The following CLPTM1 variants were observed in gnomAD, a reference collection of about 807,000 sequenced individuals.
The protein encoded by CLPTM1 is putative lipid scramblase CLPTM1.
In CLPTM1, 21 loss-of-function variants were observed where a neutral mutation model predicts 77.3. The ratio of observed to expected loss-of-function variants is 0.27; its 90% CI spans 0.19 to 0.39. The LOEUF (loss-of-function observed/expected upper bound fraction) is 0.39. Among genes scored for constraint, CLPTM1 ranks in the 10% least tolerant of loss-of-function variants. The pLI, the probability that CLPTM1 is intolerant of heterozygous loss-of-function variation, is 1.00. For missense variants in CLPTM1, 642 were observed against 921.2 expected, an observed-to-expected ratio of 0.70 and a Z score of 3.92; for synonymous variants, 373 against 381.0, an observed-to-expected ratio of 0.98 and a Z score of 0.24.
In CLPTM1 at chr19:44,973,156, C is replaced by G; in HGVS notation, c.255C>G (p.Pro85=). The part of the protein sequence containing the change: ...RGPAPQDQAG[P]GGAPRVASRN... Reference sequence around the variant, plus strand: ...CGGCCCCTCAGGACCAGGCGGGCCCCGGAGGAGCTCCACGCGTCGCCAGCC... The same window carrying G: ...CGGCCCCTCAGGACCAGGCGGGCCCGGGAGGAGCTCCACGCGTCGCCAGCC... The change falls in exon 3 of 14, where the codon CCC becomes CCG. Residue 85 remains proline, a synonymous_variant. Transcript: ENST00000337392. 1 of 1,614,020 alleles carries G rather than the reference C, an allele frequency of 6.2e-7. No individual in the cohort carries two copies. Among genetic ancestry groups the G allele is most frequent in the Non-Finnish European group, 8.5e-7 (1 of 1,179,956 alleles).
chr19:44,982,624 C>G (rs1248847052), intron 5 of CLPTM1, among the ~76,000 whole-genome samples: 1 of 152,282 alleles, frequency 6.6e-6, no homozygotes, highest in Admixed American at 6.5e-5. Flanking sequence ...GCGCTGCCCT[C>G]TGGGGCTCTC....
At chr19:44,969,552 T>A (rs2122265368) in intron 2 of CLPTM1, among the ~76,000 whole-genome samples, 1 of 152,322 alleles carries the variant, frequency 6.6e-6, no homozygotes, top group South Asian at 2.1e-4. Context: ...TTGCTGTTTG[T>A]TGTGCCATTG....
chr19:44,973,771 T>TTTTTTG (rs1555721372), intron 3 of CLPTM1, among the ~76,000 whole-genome samples: 3 of 30,898 alleles, frequency 9.7e-5, no homozygotes, highest in Non-Finnish European at 1.5e-4. Context: ...GTTTTTTTTT[T>TTTTTTG]TTTTTTTTTT....
intron 5 of CLPTM1, among the ~76,000 whole-genome samples, chr19:44,982,953 C>T (rs977383911): frequency 6.6e-6 from 1 of 151,550 alleles, no homozygotes. Flanking sequence ...CCCGGCTACT[C>T]GGGAGGCTGA....
upstream of CLPTM1, chr19:44,954,858 C>G (rs778457854): frequency 2.5e-6 from 3 of 1,206,264 alleles, no homozygotes; most frequent in Non-Finnish European, 3.4e-6. Context: ...GAGACTTGAA[C>G]GAAAGAGTTG....
intron 1 of CLPTM1, among the ~76,000 whole-genome samples, chr19:44,956,758 G>A (rs2122227704): frequency 6.6e-6 from 1 of 152,256 alleles, no homozygotes; most frequent in East Asian, 1.9e-4. Flanking sequence ...ATTGCCCTGA[G>A]CTTCCAGATG....
intron 1 of CLPTM1, among the ~76,000 whole-genome samples, chr19:44,956,447 CTG>C (rs1970465341): frequency 6.6e-6 from 1 of 152,204 alleles, no homozygotes; most frequent in Non-Finnish European, 1.5e-5. Context: ...TGACAAAAGT[CTG>C]TGTCAGGGAC....
chr19:44,989,178 G>A (rs953448005), intron 9 of CLPTM1, among the ~76,000 whole-genome samples: 2 of 152,160 alleles, frequency 1.3e-5, no homozygotes, highest in Middle Eastern at 3.2e-3. Context: ...AAAAAAGGAC[G>A]CTCTTGCCAT....
intron 8 of CLPTM1, chr19:44,987,766 G>C (rs943186831): frequency 3.6e-6 from 2 of 550,644 alleles, no homozygotes; most frequent in East Asian, 6.2e-5. Flanking sequence ...TGTCTGTGGC[G>C]TGAGGCTCGG....
chr19:44,978,839 T>C (rs2122297855), intron 5 of CLPTM1, among the ~76,000 whole-genome samples: 1 of 146,900 alleles, frequency 6.8e-6, no homozygotes, highest in African/African-American at 2.5e-5. Context: ...CTAGAGTACA[T>C]CAGTAGTCCC....
Position 44,990,720 on chromosome 19 carries a change from C to A in CLPTM1, c.1324-130C>A. On this transcript the variant is annotated intron_variant, in intron 10 of 13. Transcript: ENST00000337392. The surrounding 1 kb of genome is among the most constrained non-coding windows in gnomAD (Gnocchi z 4.8). ...ACTCCCAGGACTGAGGGGATTTTCT[C>A]ACCAGGGGATTTTTTGGGTCACACA... 2 of 1,331,836 alleles carry A rather than the reference C, an allele frequency of 1.5e-6. No individual in the cohort carries two copies. The highest frequency in any genetic ancestry group is 1.9e-5 in the Admixed American group (1 of 52,972). 82.5% of individuals were successfully genotyped at this position (1,331,836 alleles called of 1,614,324 possible). A position where few individuals can be genotyped will look rare whatever the true frequency, so the allele number is the denominator to read the frequency against.
In CLPTM1 at chr19:44,987,286, C is replaced by G; in HGVS notation, c.901C>G (p.Leu301Val). Residue 301 changes from leucine to valine, a missense_variant, in exon 8 of 14, where the codon CTG becomes GTG. This residue lies in a region of CLPTM1 where 521 missense variants were observed against 800.4 expected (regional missense o/e 0.65). Coordinates refer to ENST00000337392, the MANE Select transcript of CLPTM1 (RefSeq NM_001294.4). ...YYPINESLAS[L>V]PLRVSFCPLS... ...CCCCATCAACGAGAGCCTGGCCAGC[C>G]TGCCGCTCCGCGTCTCCTTCTGCCC... 3 of 1,614,288 alleles carry G rather than the reference C, an allele frequency of 1.9e-6. No individual in the cohort carries two copies. The highest frequency in any genetic ancestry group is 2.5e-6 in the Non-Finnish European group (3 of 1,180,054).
intron 1 of CLPTM1, among the ~76,000 whole-genome samples, chr19:44,961,240 T>C (rs369028815): frequency 6.6e-6 from 1 of 152,162 alleles, no homozygotes; most frequent in Non-Finnish European, 1.5e-5. Flanking sequence ...GGCCGTGGCT[T>C]ATGGTAGCAG....
At position 44,976,347 on chromosome 19, in the gene CLPTM1, C is replaced by G. The variant is rs564529895; in HGVS notation, c.469-996C>G. ...ACTTAAAAGGCAGGAGAGCTGGGCA[C>G]AGTGGCATGTGCCTGTAGGCACAGC... On this transcript the variant is annotated intron_variant, in intron 4 of 13. Transcript: ENST00000337392. 2.6e-5 allele frequency among the ~76,000 whole-genome samples: 4 copies of G among 152,316 alleles called. No homozygotes were observed. The East Asian group carries it at 7.7e-4, about 29-fold the overall frequency.
intron 2 of CLPTM1, among the ~76,000 whole-genome samples, chr19:44,965,770 T>C (rs548459286): frequency 6.6e-6 from 1 of 152,240 alleles, no homozygotes; most frequent in East Asian, 1.9e-4. Context: ...GCCCAGGTGG[T>C]GCCACTGCAC....
At position 44,974,725 on chromosome 19, in the gene CLPTM1, A is replaced by G. The variant is rs377600892; in HGVS notation, c.468+128A>G. ...CCAGGCTTGGCCCTTCCCTGGGCTC[A>G]CATGGTCTGTGACCACAAGCCAGTC... On this transcript the variant is annotated intron_variant, in intron 4 of 13. Coordinates refer to ENST00000337392, the MANE Select transcript of CLPTM1 (RefSeq NM_001294.4). 1.1e-3 allele frequency: 1,124 copies of G among 1,056,158 alleles called. 6 individuals carry two copies. The African/African-American group carries it at 0.015, about 14-fold the overall frequency. 65.4% of individuals were successfully genotyped at this position (1,056,158 alleles called of 1,614,324 possible). A position where few individuals can be genotyped will look rare whatever the true frequency, so the allele number is the denominator to read the frequency against.
rs761786489 is a variant in CLPTM1, at chr19:44,974,546, C to T, written c.417C>T (p.Gly139=). Residue 139 remains glycine (G), a synonymous_variant, in exon 4 of 14, where the codon GGC becomes GGT. Transcript: ENST00000337392. ...TTGTGTATGGCGACTGGACTAGCGG[C>T]GAGAACTCAGACGGCTGCTACGAGC... ...HDLVYGDWTS[G]ENSDGCYEHF... is the part of the protein sequence containing the mutation. 3.1e-6 allele frequency: 5 copies of T among 1,614,084 alleles called. No individual in the cohort carries two copies. Among genetic ancestry groups the T allele is most frequent in the Admixed American group, 1.7e-5 (1 of 60,008 alleles).
chr19:44,975,929 T>C (rs1970799727), intron 4 of CLPTM1, among the ~76,000 whole-genome samples: 1 of 152,002 alleles, frequency 6.6e-6, no homozygotes, highest in African/African-American at 2.4e-5. Flanking sequence ...GTGGTGCAAT[T>C]ACAGCTCACT....
chr19:44,977,052 G>A (rs1263238666), intron 4 of CLPTM1, among the ~76,000 whole-genome samples: 1 of 152,174 alleles, frequency 6.6e-6, no homozygotes, highest in East Asian at 1.9e-4. Context: ...AGTCCCTGCA[G>A]TGGTGCCCTC....
Sources: allele counts gnomAD v4.1 joint callset (sites outside exome capture counted in the v4.1 genomes callset), GRCh38; gene constraint gnomAD v4.1.1; regional missense constraint gnomAD v4.1.1; non-coding constraint Gnocchi (gnomAD v3.1); transcripts MANE v1.5; gene names NCBI Gene and HGNC (gene_info 2026-07-23, HGNC 2026-07-21).